DOCK6: variants seen among roughly 807,000 people sequenced by gnomAD.
DOCK6 encodes the protein dedicator of cytokinesis 6.
A neutral mutation model predicts 230.3 loss-of-function variants in DOCK6; 167 were observed. That is an observed-to-expected ratio of 0.73 (90% CI 0.64 to 0.82). DOCK6 has a LOEUF of 0.82. DOCK6 is among the 40% of genes least tolerant of loss of function. The probability of loss-of-function intolerance (pLI) is 0.00; values close to 1 mark genes in which losing one functional copy is unlikely to be tolerated. For missense variants in DOCK6, 2,598 were observed against 2,825.8 expected (o/e 0.92, Z 1.83); for synonymous variants, 1,148 against 1,185.0 (o/e 0.97, Z 0.64).
At chr19:11,238,951 C>T (rs947464540) in intron 14 of DOCK6, 2 of 154,590 alleles carry the variant, frequency 1.3e-5, no homozygotes, top group South Asian at 2.0e-4. Flanking sequence ...ATGAAATAAT[C>T]GCGCCTACTG....
At chr19:11,258,408 A>T (rs1401488368) in intron 1 of DOCK6, among the ~76,000 whole-genome samples, 4 of 150,682 alleles carry the variant, frequency 2.7e-5, no homozygotes, top group Non-Finnish European at 5.9e-5. Context: ...TTATTCTTTA[A>T]ACTTCGCACT....
intron 22 of DOCK6, among the ~76,000 whole-genome samples, chr19:11,230,220 T>C (rs1056575153): frequency 6.6e-6 from 1 of 152,082 alleles, no homozygotes; most frequent in African/African-American, 2.4e-5. Flanking sequence ...GCACCTGTAA[T>C]TCCAGCTACT....
chr19:11,240,666 A>T (rs1223605852), intron 14 of DOCK6, among the ~76,000 whole-genome samples: 2 of 145,478 alleles, frequency 1.4e-5, no homozygotes, highest in Non-Finnish European at 3.0e-5. Context: ...TGCAACCTCC[A>T]CCTCCTAGGT....
At chr19:11,250,016 CT>C (rs898651661) in intron 6 of DOCK6, among the ~76,000 whole-genome samples, 105 of 140,438 alleles carry the variant, frequency 7.5e-4, no homozygotes, top group Admixed American at 1.4e-3. Context: ...CAGAAGCTAT[CT>C]TTTTTTTTTT....
At chr19:11,259,363 T>G (rs1443750825) in intron 1 of DOCK6, among the ~76,000 whole-genome samples, 1 of 152,006 alleles carries the variant, frequency 6.6e-6, no homozygotes, top group East Asian at 1.9e-4. Context: ...TGTTGTATGT[T>G]ACAGTTGTTT....
chr19:11,208,553 A>G, intron 39 of DOCK6, 133 bp downstream of exon 39: 1 of 1,301,554 alleles, frequency 7.7e-7, no homozygotes, highest in Non-Finnish European at 1.0e-6. Context: ...TGCTGGGGTT[A>G]CAGGCGTGAG....
chr19:11,243,104 T>A lies in DOCK6; in HGVS notation c.1435A>T (p.Met479Leu). 1.2e-6 allele frequency: 2 copies of A among 1,613,978 alleles called. No individual in the cohort carries two copies. Among genetic ancestry groups the A allele is most frequent in the South Asian group, 1.1e-5 (1 of 91,086 alleles). ...DEDLFKFLAD[M>L]RRPSSLLRRL... ...CGCAGCAGGGACGACGGGCGCCTCATGTCAGCCAGGAACTTGAAGAGGTCC... is the reference window on the plus strand; with the variant it reads ...CGCAGCAGGGACGACGGGCGCCTCAAGTCAGCCAGGAACTTGAAGAGGTCC... The change falls in exon 13 of 48, where the codon ATG (methionine) becomes TTG (leucine). Residue 479 changes from methionine (M) to leucine (L), a missense_variant. Physicochemically the swap from Met to Leu is conservative, Grantham distance 15 (BLOSUM62 2). Coordinates refer to ENST00000294618, the MANE Select transcript of DOCK6 (RefSeq NM_020812.4). The surrounding 1 kb of genome is among the most constrained non-coding windows in gnomAD (Gnocchi z 6.3).
rs777897874 is a variant in DOCK6 at position 11,199,318 on chromosome 19, T to A, written c.*179A>T. ...GGTTGCTTATAAAAACCATTTTAAA[T>A]TAAAAAAGGGAGGAAGCATCAGTGC... On this transcript the variant is annotated 3_prime_UTR_variant, in exon 48 of 48. Coordinates refer to ENST00000294618, the MANE Select transcript of DOCK6 (RefSeq NM_020812.4). The A allele has an allele frequency of 1.9e-5, 14 of 751,024 alleles. No homozygotes were observed. The highest frequency in any genetic ancestry group is 2.8e-5 in the Non-Finnish European group (13 of 462,954). 46.5% of individuals were successfully genotyped at this position (751,024 alleles called of 1,614,324 possible). A position where few individuals can be genotyped will look rare whatever the true frequency, so the allele number is the denominator to read the frequency against.
intron 24 of DOCK6, among the ~76,000 whole-genome samples, chr19:11,226,564 A>G (rs966293573): frequency 1.3e-5 from 2 of 152,166 alleles, no homozygotes; most frequent in South Asian, 2.1e-4. Flanking sequence ...AGGCTGAGGC[A>G]GGAGAATCGC....
At chr19:11,234,074 A>T (rs577360716) in intron 21 of DOCK6, among the ~76,000 whole-genome samples, 1 of 151,808 alleles carries the variant, frequency 6.6e-6, no homozygotes, top group East Asian at 1.9e-4. Flanking sequence ...ATCTTGGCTC[A>T]CTGCAACCTC....
chr19:11,222,178 C>T lies in DOCK6; in HGVS notation c.3311G>A (p.Arg1104Gln), dbSNP rs570124917. The T allele has an allele frequency of 4.5e-5, 73 of 1,609,366 alleles. No homozygotes were observed. The highest frequency in any genetic ancestry group is 2.2e-4 in the Admixed American group (13 of 59,238). ...TSMFELSGPF[R>Q]QQHFLAGLLL... ...GAGCCCAGCTAGGAAGTGCTGCTGCCGGAATGGTCCACTCAGTTCGAACAT... is the reference window on the plus strand; with the variant it reads ...GAGCCCAGCTAGGAAGTGCTGCTGCTGGAATGGTCCACTCAGTTCGAACAT... Residue 1104 changes from arginine to glutamine, a missense_variant, in exon 27 of 48, where the codon CGG becomes CAG. Physicochemically the swap from Arg to Gln is conservative, Grantham distance 43 (BLOSUM62 1). Coordinates refer to ENST00000294618, the MANE Select transcript of DOCK6 (RefSeq NM_020812.4). This position sits in a 1 kb window ranked among gnomAD's most constrained non-coding sequence, Gnocchi z 4.0.
chr19:11,245,903 G>T (rs1382900272), intron 7 of DOCK6, 25 bp from the exon 8 acceptor site: 1 of 1,553,256 alleles, frequency 6.4e-7, no homozygotes, highest in Non-Finnish European at 8.7e-7. Context: ...GAGGGAGGGG[G>T]CTCTCCTTAA....
intron 14 of DOCK6, chr19:11,241,738 C>T (rs2079948554): frequency 1.2e-5 from 18 of 1,559,828 alleles, no homozygotes; most frequent in East Asian, 2.4e-5. Context: ...AACACTTCCA[C>T]GCCCCGTGAG....
chr19:11,241,574 G>A, intron 14 of DOCK6: 1 of 1,554,554 alleles, frequency 6.4e-7, no homozygotes, highest in Non-Finnish European at 8.7e-7. Context: ...GCAGGGGTTT[G>A]GCAGGCAGGG....
rs762705247 is a variant in DOCK6 at position 11,245,592 on chromosome 19, G to T, written c.994C>A (p.Pro332Thr). 14 of 1,567,432 alleles carry T rather than the reference G, an allele frequency of 8.9e-6. No individual in the cohort carries two copies. In the Admixed American group the frequency reaches 2.5e-4, roughly 28 times the overall value. ...ARSAIFSVTY[P>T]SPDIFLVIKL... ...ATGACCAGGAAGATGTCAGGTGAGG[G>T]GTAGGTCACAGAGAAGATGGCAGAG... Residue 332 changes from proline to threonine, a missense_variant, in exon 9 of 48, where the codon CCC becomes ACC. Physicochemically the swap from Pro to Thr is conservative, Grantham distance 38. Coordinates refer to ENST00000294618, the MANE Select transcript of DOCK6 (RefSeq NM_020812.4).
chr19:11,259,047 G>T (rs2080241993), intron 1 of DOCK6, among the ~76,000 whole-genome samples: 1 of 150,776 alleles, frequency 6.6e-6, no homozygotes, highest in African/African-American at 2.4e-5. Flanking sequence ...CCATACCCAG[G>T]CTACTTTCTT....
chr19:11,219,174 GTTTTTTTTTTTTTT>G (rs778505119), intron 28 of DOCK6, among the ~76,000 whole-genome samples: 1 of 77,274 alleles, frequency 1.3e-5, no homozygotes, highest in African/African-American at 7.3e-5. Flanking sequence ...ACTGCGCCCG[GTTTTTTTTTTTTTT>G]TTTTTTTTTT....
intron 39 of DOCK6, among the ~76,000 whole-genome samples, chr19:11,205,078 C>T (rs997663265): frequency 4.6e-5 from 7 of 152,204 alleles, no homozygotes; most frequent in Admixed American, 6.5e-5. Flanking sequence ...GGTAATATGC[C>T]CCTCACCCCC....
chr19:11,254,412 G>C (rs1449522656), intron 1 of DOCK6, among the ~76,000 whole-genome samples: 1 of 152,228 alleles, frequency 6.6e-6, no homozygotes, highest in Non-Finnish European at 1.5e-5. Context: ...CAGGGAGGAT[G>C]GCCAGGCATG....
Sources: gnomAD v4.1 joint callset for allele counts (sites outside exome capture counted in the v4.1 genomes callset) on GRCh38, gnomAD v4.1.1 for gene constraint, Gnocchi (gnomAD v3.1) non-coding constraint, MANE v1.5 for transcripts, NCBI Gene and HGNC (gene_info 2026-07-23, HGNC 2026-07-21) for gene names.